Variants in ROBO2 observed in about 807,000 individuals in gnomAD.
The protein encoded by ROBO2 is roundabout homolog 2.
In ROBO2, 53 loss-of-function variants were observed where a neutral mutation model predicts 160.8. That is an observed-to-expected ratio of 0.33 (90% CI 0.26 to 0.41). The LOEUF is 0.41. Ranked by LOEUF, ROBO2 falls within the 10% of genes least tolerant of loss-of-function variation. The pLI is 1.00. For missense variants in ROBO2, 1,577 were observed against 1,722.4 expected, an observed-to-expected ratio of 0.92 and a Z score of 1.49; for synonymous variants, 664 against 611.7, an observed-to-expected ratio of 1.09 and a Z score of -1.26.
At chr3:77,537,530 TA>T (rs2092201983) in intron 6 of ROBO2, among the ~76,000 whole-genome samples, 1 of 152,192 alleles carries the variant, frequency 6.6e-6, no homozygotes, top group Non-Finnish European at 1.5e-5. Flanking sequence ...TCTCTTTGAT[TA>T]TTTTTTCATA....
chr3:76,499,362 T>A (rs1333060742), intron 2 of ROBO2, among the ~76,000 whole-genome samples: 1 of 152,206 alleles, frequency 6.6e-6, no homozygotes, highest in African/African-American at 2.4e-5. Context: ...AAATGATATC[T>A]TGTATAGGAG....
chr3:77,297,760 T>C (rs2062277035), intron 2 of ROBO2, among the ~76,000 whole-genome samples: 2 of 152,198 alleles, frequency 1.3e-5, no homozygotes, highest in South Asian at 4.1e-4. Flanking sequence ...TCAGAGGTTT[T>C]ACATTTAACG....
chr3:77,128,150 T>A (rs1388270889), intron 2 of ROBO2, among the ~76,000 whole-genome samples: 1 of 152,218 alleles, frequency 6.6e-6, no homozygotes, highest in Non-Finnish European at 1.5e-5. Context: ...TGGGAGGACT[T>A]CTAGATGCCA....
intron 2 of ROBO2, among the ~76,000 whole-genome samples, chr3:76,890,148 T>G (rs1010233922): frequency 4.6e-5 from 7 of 152,204 alleles, no homozygotes; most frequent in African/African-American, 9.6e-5. Context: ...GAACAGACTG[T>G]GGACTAGAAA....
At chr3:76,105,855 G>C (rs547015974) in intron 2 of ROBO2, among the ~76,000 whole-genome samples, 1 of 152,100 alleles carries the variant, frequency 6.6e-6, no homozygotes, top group East Asian at 1.9e-4. Context: ...AAAGACACAG[G>C]TAACACCAGG....
chr3:75,988,199 A>C (rs910482919), intron 2 of ROBO2, among the ~76,000 whole-genome samples: 12 of 152,124 alleles, frequency 7.9e-5, no homozygotes, highest in Admixed American at 2.6e-4. Context: ...TTACAGATCT[A>C]TAATCCTAAC....
chr3:76,395,978 C>G (rs1559876546), intron 2 of ROBO2, among the ~76,000 whole-genome samples: 1 of 152,048 alleles, frequency 6.6e-6, no homozygotes. Context: ...TTTATGAGGC[C>G]AGCATCATCC....
At chr3:76,486,125 T>A (rs1264826286) in intron 2 of ROBO2, among the ~76,000 whole-genome samples, 1 of 152,138 alleles carries the variant, frequency 6.6e-6, no homozygotes, top group Non-Finnish European at 1.5e-5. Flanking sequence ...GCAAAAAGAA[T>A]CAGGTGGCAT....
intron 2 of ROBO2, among the ~76,000 whole-genome samples, chr3:76,207,807 T>C (rs1201495136): frequency 6.6e-6 from 1 of 152,226 alleles, no homozygotes; most frequent in Non-Finnish European, 1.5e-5. Flanking sequence ...AAGAAGATGA[T>C]GCTGAAATCA....
chr3:76,522,942 A>T (rs1213181181), intron 2 of ROBO2, among the ~76,000 whole-genome samples: 1 of 149,840 alleles, frequency 6.7e-6, no homozygotes, highest in East Asian at 1.9e-4. Flanking sequence ...ATAGCTGTAT[A>T]TATTACATAA....
chr3:77,480,132 T>C (rs991791090), intron 3 of ROBO2, among the ~76,000 whole-genome samples: 3 of 152,192 alleles, frequency 2.0e-5, no homozygotes, highest in African/African-American at 7.2e-5. Flanking sequence ...AATTCCTTTC[T>C]AGAACATGAC....
chr3:77,555,346 G>A (rs935952873), intron 8 of ROBO2, among the ~76,000 whole-genome samples: 1 of 151,882 alleles, frequency 6.6e-6, no homozygotes, highest in Non-Finnish European at 1.5e-5. Context: ...ATTCCGTTTA[G>A]AGCAGTGTAT....
intron 2 of ROBO2, among the ~76,000 whole-genome samples, chr3:76,647,021 A>G (rs2091003220): frequency 6.6e-6 from 1 of 152,134 alleles, no homozygotes; most frequent in Admixed American, 6.5e-5. Flanking sequence ...AGAAAAGGGC[A>G]CACGCTTGCC....
At chr3:76,311,123 A>G (rs954210918) in intron 2 of ROBO2, 2 of 152,206 alleles carry the variant, frequency 1.3e-5, no homozygotes, top group Non-Finnish European at 2.9e-5. Context: ...AAGGAGCCGG[A>G]TCCGTGAGAA....
chr3:77,411,270 C>A (rs1475286805), intron 2 of ROBO2, among the ~76,000 whole-genome samples: 1 of 152,098 alleles, frequency 6.6e-6, no homozygotes, highest in Non-Finnish European at 1.5e-5. Flanking sequence ...CTCATACATG[C>A]CTGGTGAGGG....
At chr3:76,103,467 A>T (rs189594075) in intron 2 of ROBO2, among the ~76,000 whole-genome samples, 43 of 152,332 alleles carry the variant, frequency 2.8e-4, no homozygotes, top group Non-Finnish European at 6.2e-4. Context: ...CTCTGCTCAC[A>T]ATACACAGCT....
intron 2 of ROBO2, among the ~76,000 whole-genome samples, chr3:76,990,805 G>C (rs1455739118): frequency 6.6e-6 from 1 of 152,116 alleles, no homozygotes; most frequent in Non-Finnish European, 1.5e-5. Flanking sequence ...GAGGCAAAAC[G>C]GTGAGTTTAA....
intron 2 of ROBO2, among the ~76,000 whole-genome samples, chr3:76,784,773 C>G (rs796130576): frequency 1.3e-4 from 19 of 151,254 alleles, no homozygotes; most frequent in African/African-American, 4.6e-4. Context: ...GCTCTAGTTT[C>G]TGTTATTTTC....
chr3:77,179,184 C>T (rs546468802), intron 2 of ROBO2, among the ~76,000 whole-genome samples: 1 of 151,296 alleles, frequency 6.6e-6, no homozygotes, highest in East Asian at 1.9e-4. Flanking sequence ...TAGTAACTGC[C>T]TTTAGGTTTA....
Sources: gnomAD v4.1 joint callset for allele counts (sites outside exome capture counted in the v4.1 genomes callset) on GRCh38, gnomAD v4.1.1 for gene constraint, MANE v1.5 for transcripts, NCBI Gene and HGNC (gene_info 2026-07-23, HGNC 2026-07-21) for gene names.